Variants in ALB observed in about 807,000 individuals in gnomAD.
ALB encodes serum albumin.
Under a neutral mutation model 74.5 loss-of-function variants are expected in ALB, and 37 were observed. The observed-to-expected ratio is 0.50, with a 90% CI of 0.38 to 0.65. The LOEUF is 0.65. ALB is among the 30% of genes least tolerant of loss of function. ALB has a pLI of 0.00. For missense variants in ALB, 685 were observed against 718.7 expected, an observed-to-expected ratio of 0.95 and a Z score of 0.54; for synonymous variants, 249 against 251.6, an observed-to-expected ratio of 0.99 and a Z score of 0.10.
At chr4:73,419,311 A>T (rs1719089369) in intron 12 of ALB, 196 bp from the exon 13 acceptor site, 1 of 606,966 alleles carries the variant, frequency 1.6e-6, no homozygotes, top group Admixed American at 3.0e-5. Context: ...ATGAAAGTGG[A>T]TTTTATTATC....
At chr4:73,416,395 A>G in intron 10 of ALB, 42 bp downstream of exon 10, 1 of 1,456,870 alleles carries the variant, frequency 6.9e-7, no homozygotes, top group Non-Finnish European at 9.6e-7. Flanking sequence ...TCAATTTGTA[A>G]TTATTTAAGA....
At position 73,419,600 on chromosome 4, in the gene ALB, C is replaced by T. The variant is rs1004973794; in HGVS notation, c.1746C>T (p.Cys582=). 3 of 1,613,908 alleles carry T rather than the reference C, an allele frequency of 1.9e-6. No individual in the cohort carries two copies. The highest frequency in any genetic ancestry group is 2.5e-6 in the Non-Finnish European group (3 of 1,179,946). Residue 582 remains cysteine, a synonymous_variant, in exon 13 of 15, where the codon TGC becomes TGT. Transcript: ENST00000295897. ...ATTTCGCAGCTTTTGTAGAGAAGTG[C>T]TGCAAGGCTGACGATAAGGAGACCT... is the stretch of plus-strand genomic sequence containing the variant. ...MDDFAAFVEK[C]CKADDKETCF...
chr4:73,412,300 TG>T (rs1231285510), intron 7 of ALB, 175 bp downstream of exon 7: 1 of 765,846 alleles, frequency 1.3e-6, no homozygotes, highest in Non-Finnish European at 2.2e-6. Flanking sequence ...GTTTTTAACC[TG>T]GCTATAAATT....
rs1222808942 is a variant in ALB at position 73,406,702 on chromosome 4, A to T, written c.211A>T (p.Thr71Ser). 6.2e-7 allele frequency: 1 copy of T among 1,613,956 alleles called. No homozygotes were observed. The highest frequency in any genetic ancestry group is 1.7e-5 in the Admixed American group (1 of 60,034). The change falls in exon 3 of 15, where the codon ACT (threonine) becomes TCT (serine). Residue 71 changes from threonine to serine, a missense_variant. Thr to Ser is a moderately conservative substitution (Grantham distance 58, BLOSUM62 1). Transcript: ENST00000295897. The part of the protein sequence containing the change: ...EDHVKLVNEV[T>S]EFAKTCVADE... Reference sequence around the variant, plus strand: ...TCATGTAAAATTAGTGAATGAAGTAACTGAATTTGCAAAAACATGTGTTGC... The same window carrying T: ...TCATGTAAAATTAGTGAATGAAGTATCTGAATTTGCAAAAACATGTGTTGC...
intron 5 of ALB, 122 bp from the exon 6 acceptor site, chr4:73,410,190 G>T: frequency 1.3e-6 from 1 of 746,420 alleles, no homozygotes; most frequent in Non-Finnish European, 2.4e-6. Context: ...GGGAGTACTT[G>T]GGAATTTAGG....
At chr4:73,409,770 C>A (rs1008430334) in intron 5 of ALB, among the ~76,000 whole-genome samples, 5 of 152,046 alleles carry the variant, frequency 3.3e-5, no homozygotes, top group Non-Finnish European at 7.4e-5. Context: ...AATACTGAAA[C>A]TTGTTTGTCA....
chr4:73,404,911 G>A (rs1718678567), intron 1 of ALB: 2 of 589,674 alleles, frequency 3.4e-6, no homozygotes, highest in Admixed American at 3.0e-5. Context: ...TTTTAAAATA[G>A]TATTCTTGGT....
chr4:73,419,259 T>C (rs1196403652), intron 12 of ALB: 1 of 442,436 alleles, frequency 2.3e-6, no homozygotes, highest in Non-Finnish European at 4.1e-6. Flanking sequence ...ACGTGATGAG[T>C]GGTTTATACT....
chr4:73,409,631 C>T, intron 5 of ALB, 144 bp downstream of exon 5: 2 of 1,024,988 alleles, frequency 2.0e-6, no homozygotes, highest in Non-Finnish European at 2.9e-6. Flanking sequence ...TCTTGAAAAT[C>T]TTTCATCTTT....
At position 73,415,111 on chromosome 4, in the gene ALB, A is replaced by T. The variant is rs779860668; in HGVS notation, c.1135A>T (p.Thr379Ser). Reference sequence around the variant, plus strand: ...GCTGAGACTTGCCAAGACATATGAAACCACTCTAGAGAAGTGCTGTGCCGC... The same window carrying T: ...GCTGAGACTTGCCAAGACATATGAATCCACTCTAGAGAAGTGCTGTGCCGC... The part of the protein sequence containing the change: ...LLLRLAKTYE[T>S]TLEKCCAAAD... The change falls in exon 9 of 15, where the codon ACC becomes TCC. Residue 379 changes from threonine (T) to serine (S), a missense_variant. Physicochemically the swap from Thr to Ser is moderately conservative, Grantham distance 58 (BLOSUM62 1). Transcript: ENST00000295897. 1 of 1,614,108 alleles carries T rather than the reference A, an allele frequency of 6.2e-7. No individual in the cohort carries two copies. The highest frequency in any genetic ancestry group is 8.5e-7 in the Non-Finnish European group (1 of 1,180,024).
At chr4:73,410,240 A>G in intron 5 of ALB, 72 bp from the exon 6 acceptor site, 3 of 1,185,746 alleles carry the variant, frequency 2.5e-6, no homozygotes, top group Non-Finnish European at 3.8e-6. Context: ...GCACAGTCTC[A>G]TCTGAGCTTA....
chr4:73,409,140 C>A, intron 4 of ALB: 2 of 583,232 alleles, frequency 3.4e-6, no homozygotes, highest in East Asian at 2.9e-5. Context: ...AAAATTTAAC[C>A]ATTTATGCAC....
In ALB at chr4:73,413,565, C is replaced by T. The variant is rs1316380777; in HGVS notation, c.989C>T (p.Ala330Val). 3 of 1,614,150 alleles carry T rather than the reference C, an allele frequency of 1.9e-6. No homozygotes were observed. Residue 330 changes from alanine to valine, a missense_variant, in exon 8 of 15, where the codon GCT becomes GTT. Transcript: ENST00000295897. ...DEMPADLPSL[A>V]ADFVESKDVC... ...ATGCCTGCTGACTTGCCTTCATTAG[C>T]TGCTGATTTTGTTGAAAGTAAGGAT...
chr4:73,420,257 A>G lies in ALB; in HGVS notation c.1789A>G (p.Lys597Glu), dbSNP rs80106970. The G allele has an allele frequency of 3.1e-6, 5 of 1,612,308 alleles. No individual in the cohort carries two copies. Among genetic ancestry groups the G allele is most frequent in the Non-Finnish European group, 4.2e-6 (5 of 1,178,754 alleles). The change falls in exon 14 of 15, where the codon AAA becomes GAA. Residue 597 changes from lysine (K) to glutamate (E), a missense_variant. Physicochemically the swap from Lys to Glu is moderately conservative, Grantham distance 56. Transcript: ENST00000295897. ...DKETCFAEEG[K>E]KLVAASQAAL... ...TCTGTCATGTCTTTGTGTTCAGGGT[A>G]AAAAACTTGTTGCTGCAAGTCAAGC...
intron 8 of ALB, among the ~76,000 whole-genome samples, chr4:73,414,773 T>C (rs1560858042): frequency 6.6e-6 from 1 of 152,146 alleles, no homozygotes; most frequent in Non-Finnish European, 1.5e-5. Flanking sequence ...CTATTATTAT[T>C]TCCATTCTAC....
rs764279820 is a variant in ALB at position 73,408,637 on chromosome 4, G to A, written c.314G>A (p.Arg105His). ...GDKLCTVATL[R>H]ETYGEMADCC... ...AAATTATGCACAGTTGCAACTCTTCGTGAAACCTATGGTGAAATGGCTGAC... is the reference window on the plus strand; with the variant it reads ...AAATTATGCACAGTTGCAACTCTTCATGAAACCTATGGTGAAATGGCTGAC... Residue 105 changes from arginine (R) to histidine (H), a missense_variant, in exon 4 of 15, where the codon CGT (arginine) becomes CAT (histidine). Arg to His is a conservative substitution (Grantham distance 29, BLOSUM62 0). Transcript: ENST00000295897. 4.3e-6 allele frequency: 7 copies of A among 1,613,806 alleles called. 1 individual carries two copies. The highest frequency in any genetic ancestry group is 3.3e-5 in the South Asian group (3 of 91,072).
Position 73,419,622 on chromosome 4 carries a change from A to T in ALB, c.1768A>T (p.Thr590Ser), listed in dbSNP as rs1202324471. 1.2e-6 allele frequency: 2 copies of T among 1,613,922 alleles called. No homozygotes were observed. Among genetic ancestry groups the T allele is most frequent in the Non-Finnish European group, 1.7e-6 (2 of 1,179,966 alleles). ...GTGCTGCAAGGCTGACGATAAGGAG[A>T]CCTGCTTTGCCGAGGAGGTACTACA... The part of the protein sequence containing the change: ...EKCCKADDKE[T>S]CFAEEGKKLV... The change falls in exon 13 of 15, where the codon ACC (threonine) becomes TCC (serine). Residue 590 changes from threonine to serine, a missense_variant. Thr to Ser is a moderately conservative substitution (Grantham distance 58, BLOSUM62 1). Coordinates refer to ENST00000295897, the MANE Select transcript of ALB (RefSeq NM_000477.7).
chr4:73,419,996 G>A (rs1049249831), intron 13 of ALB, among the ~76,000 whole-genome samples: 5 of 152,092 alleles, frequency 3.3e-5, no homozygotes, highest in Non-Finnish European at 5.9e-5. Flanking sequence ...GATTTTATAG[G>A]CTAGTGGGAG....
chr4:73,413,324 A>C, intron 7 of ALB, 96 bp from the exon 8 acceptor site: 1 of 1,144,148 alleles, frequency 8.7e-7, no homozygotes, highest in Non-Finnish European at 1.3e-6. Flanking sequence ...TGGTCTTAGA[A>C]TACAATGAAT....
Sources: gnomAD v4.1 joint callset for allele counts (sites outside exome capture counted in the v4.1 genomes callset) on GRCh38, gnomAD v4.1.1 for gene constraint, MANE v1.5 for transcripts, NCBI Gene and HGNC (gene_info 2026-07-23, HGNC 2026-07-21) for gene names.